SPATA7: variants seen among roughly 807,000 people sequenced by gnomAD.
The protein encoded by SPATA7 is spermatogenesis associated 7, also known as spermatogenesis-associated protein 7.
Under a neutral mutation model 51.8 loss-of-function variants are expected in SPATA7, and 43 were observed. That is an observed-to-expected ratio of 0.83 (90% confidence interval 0.65 to 1.07). The LOEUF (loss-of-function observed/expected upper bound fraction) is 1.07. SPATA7 is among the 50% of genes least tolerant of loss of function. The pLI, the probability that SPATA7 is intolerant of heterozygous loss-of-function variation, is 0.00. For synonymous variants in SPATA7, 230 were observed against 252.8 expected (o/e 0.91, Z 0.86); for missense variants, 683 against 701.3 (o/e 0.97, Z 0.30).
At chr14:88,457,542 A>G (rs547982106), downstream of SPATA7, among the ~76,000 whole-genome samples, 3 of 152,314 alleles carry the variant, frequency 2.0e-5, no homozygotes, top group South Asian at 6.2e-4. Context: ...TGATTTGTGT[A>G]TAAGAATGCT....
At chr14:88,468,259 C>A in intron 4 of SPATA7, 1 of 1,599,698 alleles carries the variant, frequency 6.3e-7, no homozygotes, top group Non-Finnish European at 8.5e-7. Flanking sequence ...CTCGGGATGT[C>A]CAGCACCTAG....
At chr14:88,402,797 T>C (rs2076096751) in intron 4 of SPATA7, among the ~76,000 whole-genome samples, 1 of 151,610 alleles carries the variant, frequency 6.6e-6, no homozygotes, top group African/African-American at 2.4e-5. Flanking sequence ...AAAGCAAAAA[T>C]AGACAAGTGG....
At chr14:88,403,386 A>T (rs1015039120) in intron 4 of SPATA7, among the ~76,000 whole-genome samples, 2 of 152,246 alleles carry the variant, frequency 1.3e-5, no homozygotes, top group African/African-American at 2.4e-5. Context: ...TTGTTACAGC[A>T]TTATAGCAAA....
intron 5 of SPATA7, among the ~76,000 whole-genome samples, chr14:88,418,463 T>TTTTG (rs200062283): frequency 0.035 from 5,336 of 152,118 alleles, 304 homozygotes; most frequent in African/African-American, 0.12. Context: ...ACAATTTTCT[T>TTTTG]TTTGTTTGTT....
downstream of SPATA7, among the ~76,000 whole-genome samples, chr14:88,443,209 T>C (rs151056174): frequency 0.026 from 3,971 of 152,146 alleles, 181 homozygotes; most frequent in African/African-American, 0.09. Context: ...TCCCAAAGTG[T>C]TGGGATTACA....
intron 10 of SPATA7, among the ~76,000 whole-genome samples, chr14:88,437,331 AG>A (rs1194507893): frequency 3.3e-5 from 5 of 152,072 alleles, no homozygotes; most frequent in South Asian, 2.1e-4. Context: ...AAGAAATAAA[AG>A]TAGCATACAG....
At chr14:88,392,148 G>A (rs941961078) in intron 2 of SPATA7, among the ~76,000 whole-genome samples, 10 of 151,880 alleles carry the variant, frequency 6.6e-5, no homozygotes. Flanking sequence ...GGCTATGTAT[G>A]TATGTAACAT....
intron 3 of SPATA7, among the ~76,000 whole-genome samples, chr14:88,446,889 G>A (rs1029052562): frequency 2.0e-5 from 3 of 152,092 alleles, no homozygotes; most frequent in East Asian, 1.9e-4. Context: ...TTGTTGAGGA[G>A]AGCTTTACTT....
chr14:88,454,324 G>A (rs985203981), intron 3 of SPATA7, among the ~76,000 whole-genome samples: 5 of 151,970 alleles, frequency 3.3e-5, no homozygotes, highest in Non-Finnish European at 5.9e-5. Context: ...AAAGACCCTG[G>A]TGATTACTTT....
intron 3 of SPATA7, among the ~76,000 whole-genome samples, chr14:88,447,939 T>C (rs893750987): frequency 6.6e-6 from 1 of 150,930 alleles, no homozygotes; most frequent in Non-Finnish European, 1.5e-5. Flanking sequence ...ATTTCAACTT[T>C]GGTGAATCTG....
intron 1 of SPATA7, 187 bp downstream of exon 1, chr14:88,386,024 C>A: frequency 6.9e-7 from 1 of 1,452,016 alleles, no homozygotes; most frequent in South Asian, 1.4e-5. Flanking sequence ...TGCTTGCCAG[C>A]CTCGCAGGTC....
chr14:88,442,303 C>CA (rs2077183467), downstream of SPATA7, among the ~76,000 whole-genome samples: 1 of 152,136 alleles, frequency 6.6e-6, no homozygotes, highest in African/African-American at 2.4e-5. Flanking sequence ...GATTCTCCGA[C>CA]CTCAGCCTCC....
At chr14:88,386,799 C>A (rs1018329974) in intron 1 of SPATA7, among the ~76,000 whole-genome samples, 22 of 152,252 alleles carry the variant, frequency 1.4e-4, no homozygotes, top group African/African-American at 4.3e-4. Flanking sequence ...TAGATGATTC[C>A]TTGATGTCTT....
chr14:88,452,310 C>G (rs577878279), intron 3 of SPATA7, among the ~76,000 whole-genome samples: 2 of 152,292 alleles, frequency 1.3e-5, no homozygotes, highest in South Asian at 4.1e-4. Context: ...CCAGCACCTG[C>G]TCAAGTGGAG....
chr14:88,429,373 C>T lies in SPATA7; in HGVS notation c.938C>T (p.Ala313Val). ...KQASNCVTYD[A>V]KEKIAPLPLE... Reference sequence around the variant, plus strand: ...GCATCTAATTGTGTGACATATGATGCCAAAGAAAAAATAGCTCCTTTACCT... The same window carrying T: ...GCATCTAATTGTGTGACATATGATGTCAAAGAAAAAATAGCTCCTTTACCT... The change falls in exon 8 of 12, where the codon GCC (alanine) becomes GTC (valine). Residue 313 changes from alanine to valine, a missense_variant. Physicochemically the swap from Ala to Val is moderately conservative, Grantham distance 64. Transcript: ENST00000393545. The T allele has an allele frequency of 1.2e-6, 2 of 1,611,050 alleles. No homozygotes were observed. Among genetic ancestry groups the T allele is most frequent in the Non-Finnish European group, 1.7e-6 (2 of 1,177,790 alleles).
At chr14:88,392,949 A>G (rs1319324361) in intron 2 of SPATA7, among the ~76,000 whole-genome samples, 1 of 151,558 alleles carries the variant, frequency 6.6e-6, no homozygotes, top group Non-Finnish European at 1.5e-5. Flanking sequence ...TTCAGGTTTA[A>G]GTTAGAAATT....
At chr14:88,439,412 C>G (rs1314190175), downstream of SPATA7, among the ~76,000 whole-genome samples, 1 of 152,122 alleles carries the variant, frequency 6.6e-6, no homozygotes, top group East Asian at 1.9e-4. Context: ...GCAGATTCAT[C>G]TCTAATTATA....
At chr14:88,455,834 ATCATTTACATTAGGTATATC>A (rs1467772452), downstream of SPATA7, among the ~76,000 whole-genome samples, 3 of 151,014 alleles carry the variant, frequency 2.0e-5, no homozygotes, top group Non-Finnish European at 4.4e-5. Flanking sequence ...CCATTAACTC[ATCATTTACATTAGGTATATC>A]TCCTAATGCT....
chr14:88,424,950 C>G (rs1326745646), intron 5 of SPATA7, among the ~76,000 whole-genome samples: 2 of 151,898 alleles, frequency 1.3e-5, no homozygotes, highest in African/African-American at 4.8e-5. Flanking sequence ...TATTTGTTCC[C>G]AGAAAAAGAG....
Sources: allele counts gnomAD v4.1 joint callset (sites outside exome capture counted in the v4.1 genomes callset), GRCh38; gene constraint gnomAD v4.1.1; transcripts MANE v1.5; gene names NCBI Gene and HGNC (gene_info 2026-07-23, HGNC 2026-07-21).